Variants in PKD1L1 observed in about 807,000 individuals in gnomAD.
The protein encoded by PKD1L1 is polycystin-1-like protein 1.
A neutral mutation model predicts 323.4 loss-of-function variants in PKD1L1; 236 were observed. The ratio of observed to expected loss-of-function variants is 0.73; its 90% CI spans 0.66 to 0.81. The LOEUF is 0.81. PKD1L1 is among the 40% of genes least tolerant of loss of function. The probability of loss-of-function intolerance (pLI) is 0.00; values close to 1 mark genes in which losing one functional copy is unlikely to be tolerated. For synonymous variants in PKD1L1, 1,344 were observed against 1,335.0 expected, an observed-to-expected ratio of 1.01 and a Z score of -0.15; for missense variants, 3,320 against 3,508.0, an observed-to-expected ratio of 0.95 and a Z score of 1.35.
At chr7:47,799,750 T>C (rs1406545170) in intron 54 of PKD1L1, among the ~76,000 whole-genome samples, 1 of 152,128 alleles carries the variant, frequency 6.6e-6, no homozygotes, top group Non-Finnish European at 1.5e-5. Flanking sequence ...GTGGACAGCA[T>C]GCCTATAGGC....
intron 24 of PKD1L1, among the ~76,000 whole-genome samples, chr7:47,872,433 A>T (rs1016464373): frequency 4.6e-5 from 7 of 152,252 alleles, no homozygotes; most frequent in African/African-American, 1.7e-4. Context: ...TACTGGTATG[A>T]GAAGAGACAT....
At chr7:47,902,337 T>C in intron 13 of PKD1L1, 42 bp downstream of exon 13, 1 of 1,607,088 alleles carries the variant, frequency 6.2e-7, no homozygotes. Flanking sequence ...AGAGGGAGGC[T>C]GAAAAGAGGC....
intron 52 of PKD1L1, among the ~76,000 whole-genome samples, chr7:47,804,966 A>C (rs1008925542): frequency 6.6e-6 from 1 of 152,108 alleles, no homozygotes; most frequent in Non-Finnish European, 1.5e-5. Flanking sequence ...TCTTGCCTCC[A>C]TCTGATTGAG....
At chr7:47,864,551 T>C (rs1786104792) in intron 26 of PKD1L1, among the ~76,000 whole-genome samples, 1 of 152,060 alleles carries the variant, frequency 6.6e-6, no homozygotes, top group African/African-American at 2.4e-5. Flanking sequence ...TTTCTTCCTT[T>C]CTTCCTTCTT....
intron 56 of PKD1L1, among the ~76,000 whole-genome samples, chr7:47,775,756 A>G (rs534137692): frequency 6.6e-6 from 1 of 152,090 alleles, no homozygotes; most frequent in African/African-American, 2.4e-5. Context: ...AGTAAACAGA[A>G]AAAAGTAAAT....
chr7:47,942,539 G>A (rs62447090), intron 2 of PKD1L1, among the ~76,000 whole-genome samples: 18,282 of 149,010 alleles, frequency 0.12, 1,209 homozygotes, highest in East Asian at 0.24. Flanking sequence ...TCTACCAAAT[G>A]TGTAGCCTAA....
chr7:47,883,095 T>A (rs2128747237), intron 19 of PKD1L1, among the ~76,000 whole-genome samples: 1 of 152,252 alleles, frequency 6.6e-6, no homozygotes, highest in Non-Finnish European at 1.5e-5. Context: ...TCAGTTGTAT[T>A]GATTAAGCAC....
chr7:47,925,625 C>T (rs1450800892), intron 7 of PKD1L1, among the ~76,000 whole-genome samples: 1 of 152,118 alleles, frequency 6.6e-6, no homozygotes, highest in African/African-American at 2.4e-5. Context: ...GTCAGACATG[C>T]CCCACGATAC....
intron 7 of PKD1L1, among the ~76,000 whole-genome samples, chr7:47,917,125 T>TA (rs1383676116): frequency 2.0e-5 from 3 of 151,870 alleles, no homozygotes; most frequent in African/African-American, 7.3e-5. Flanking sequence ...ATAGCATAAA[T>TA]AAAAAACAAT....
chr7:47,878,641 AAAG>A (rs1319866399), intron 21 of PKD1L1, among the ~76,000 whole-genome samples: 2 of 152,238 alleles, frequency 1.3e-5, no homozygotes, highest in East Asian at 1.9e-4. Flanking sequence ...AATCTCCACA[AAAG>A]AAGACACATT....
chr7:47,853,631 T>G (rs950017699), intron 30 of PKD1L1, among the ~76,000 whole-genome samples: 3 of 151,478 alleles, frequency 2.0e-5, no homozygotes, highest in African/African-American at 7.3e-5. Context: ...TAATCCCAAC[T>G]ACTCGGGAGG....
intron 16 of PKD1L1, 144 bp from the exon 17 acceptor site, chr7:47,888,294 T>C (rs1370538850): frequency 6.2e-6 from 5 of 801,892 alleles, no homozygotes; most frequent in African/African-American, 1.7e-5. Flanking sequence ...GCACATATGA[T>C]GGCACATATG....
chr7:47,891,100 T>C (rs1387337458), intron 15 of PKD1L1, among the ~76,000 whole-genome samples: 2 of 152,178 alleles, frequency 1.3e-5, no homozygotes, highest in African/African-American at 4.8e-5. Flanking sequence ...CACACAGCTG[T>C]GCTGCCCTCA....
Position 47,845,053 on chromosome 7 carries a change from G to C in PKD1L1, c.5179C>G (p.Leu1727Val), listed in dbSNP as rs1388729691. The C allele has an allele frequency of 6.2e-7, 1 of 1,613,856 alleles. No individual in the cohort carries two copies. Among genetic ancestry groups the C allele is most frequent in the African/African-American group, 1.3e-5 (1 of 74,942 alleles). Reference protein sequence around the residue: ...CSYHRLAAFALLRRKLKASFE... With the variant: ...CSYHRLAAFAVLRRKLKASFE... Reference sequence around the variant, plus strand: ...CTGGCCTTCAGCTTTCTCCTTAGGAGAGCGAATGCCGCGAGGCGATGGTAG... The same window carrying C: ...CTGGCCTTCAGCTTTCTCCTTAGGACAGCGAATGCCGCGAGGCGATGGTAG... Residue 1727 changes from leucine (L) to valine (V), a missense_variant, in exon 33 of 57, where the codon CTC (leucine) becomes GTC (valine). Transcript: ENST00000289672.
chr7:47,955,696 G>A, the PKD1L1 span, among the ~76,000 whole-genome samples: 2 of 152,048 alleles, frequency 1.3e-5, no homozygotes, highest in African/African-American at 4.8e-5. Flanking sequence ...TATAATCTTT[G>A]ATTATAACCT....
At position 47,818,025 on chromosome 7, in the gene PKD1L1, G is replaced by A. The variant is rs568539874; in HGVS notation, c.6966-2568C>T. 4.1e-5 allele frequency: 56 copies of A among 1,363,864 alleles called. No homozygotes were observed. The East Asian group carries it at 2.1e-3, about 51-fold the overall frequency. The allele number at this position is 1,363,864 out of a possible 1,614,324, so 84.5% of individuals were successfully genotyped here. ...ACATCTTTAGAACTTAATCTTTGCA[G>A]GTCTTTTATTGGGTGCTGGTTCTTA... On this transcript the variant is annotated intron_variant, in intron 46 of 56. Transcript: ENST00000289672.
At chr7:47,806,944 T>G (rs1310105347) in intron 52 of PKD1L1, among the ~76,000 whole-genome samples, 3 of 151,994 alleles carry the variant, frequency 2.0e-5, no homozygotes, top group Non-Finnish European at 1.5e-5. Context: ...CTCTCTGAAC[T>G]GGTGCAAGCG....
intron 21 of PKD1L1, among the ~76,000 whole-genome samples, chr7:47,879,489 C>A (rs1187889542): frequency 6.7e-6 from 1 of 149,654 alleles, no homozygotes; most frequent in African/African-American, 2.5e-5. Flanking sequence ...AAAAATTAGC[C>A]GGGCGTGGTG....
intron 45 of PKD1L1, among the ~76,000 whole-genome samples, chr7:47,821,979 A>C (rs1415396551): frequency 6.6e-6 from 1 of 152,144 alleles, no homozygotes; most frequent in East Asian, 1.9e-4. Context: ...ATGAGTCACC[A>C]TGCCCGGCCC....
Sources: gnomAD v4.1 joint callset for allele counts (sites outside exome capture counted in the v4.1 genomes callset) on GRCh38, gnomAD v4.1.1 for gene constraint, MANE v1.5 for transcripts, NCBI Gene and HGNC (gene_info 2026-07-23, HGNC 2026-07-21) for gene names.